The following NEBL variants were observed in gnomAD, a reference collection of about 807,000 sequenced individuals.
NEBL encodes the protein nebulette.
A neutral mutation model predicts 140.2 loss-of-function variants in NEBL; 122 were observed. That is an observed-to-expected ratio of 0.87 (90% CI 0.75 to 1.01). The LOEUF (loss-of-function observed/expected upper bound fraction) is 1.01, where lower values mean the gene tolerates loss of function less well. Ranked by LOEUF, NEBL falls within the 50% of genes least tolerant of loss-of-function variation. The pLI is 0.00. For synonymous variants in NEBL, 436 were observed against 398.9 expected (o/e 1.09, Z -1.11); for missense variants, 1,365 against 1,231.3 (o/e 1.11, Z -1.62).
intron 2 of NEBL, among the ~76,000 whole-genome samples, chr10:21,125,036 C>T (rs1412852507): frequency 6.6e-6 from 1 of 152,154 alleles, no homozygotes; most frequent in Admixed American, 6.5e-5. Flanking sequence ...GGTGACGGGG[C>T]AAGGCAGCAC....
chr10:21,129,228 T>A (rs1381914623), intron 2 of NEBL, among the ~76,000 whole-genome samples: 2 of 152,122 alleles, frequency 1.3e-5, no homozygotes, highest in African/African-American at 4.8e-5. Context: ...TACATTTTTT[T>A]AAAAGGCGTA....
intron 7 of NEBL, among the ~76,000 whole-genome samples, chr10:20,861,399 G>A (rs547912914): frequency 2.6e-5 from 4 of 152,086 alleles, no homozygotes; most frequent in Admixed American, 1.3e-4. Context: ...GGATGGTCTC[G>A]ATCTCCTGAC....
At chr10:20,943,350 A>G (rs2131575821) in intron 4 of NEBL, among the ~76,000 whole-genome samples, 1 of 152,346 alleles carries the variant, frequency 6.6e-6, no homozygotes, top group South Asian at 2.1e-4. Flanking sequence ...ACAAAAAACC[A>G]AACACCGCAT....
chr10:21,060,771 A>G (rs907990393), intron 2 of NEBL, among the ~76,000 whole-genome samples: 4 of 151,902 alleles, frequency 2.6e-5, no homozygotes, highest in Non-Finnish European at 5.9e-5. Flanking sequence ...AGCTGAAACG[A>G]CTCACTCCAA....
chr10:21,114,305 T>A (rs1401904033), intron 2 of NEBL, among the ~76,000 whole-genome samples: 1 of 152,106 alleles, frequency 6.6e-6, no homozygotes, highest in Non-Finnish European at 1.5e-5. Context: ...ATGACTTAAA[T>A]CTTTTTAAAT....
chr10:21,169,067 A>AAATATAT (rs1554830679), intron 2 of NEBL, among the ~76,000 whole-genome samples: 27 of 23,080 alleles, frequency 1.2e-3, no homozygotes, highest in South Asian at 1.7e-3. Flanking sequence ...AAAAAAAAAA[A>AAATATAT]ATATATATAT....
chr10:20,859,476 C>T (rs45586736), intron 8 of NEBL, among the ~76,000 whole-genome samples: 1 of 151,830 alleles, frequency 6.6e-6, no homozygotes, highest in African/African-American at 2.4e-5. Flanking sequence ...CACTCTTGAA[C>T]AGATATAATA....
intron 2 of NEBL, among the ~76,000 whole-genome samples, chr10:21,033,589 A>T (rs1453190348): frequency 6.6e-6 from 1 of 152,126 alleles, no homozygotes; most frequent in Non-Finnish European, 1.5e-5. Context: ...AACATACAAA[A>T]ATTAGCCAGG....
chr10:20,942,243 A>G (rs1326493336), intron 4 of NEBL, among the ~76,000 whole-genome samples: 2 of 152,230 alleles, frequency 1.3e-5, no homozygotes, highest in East Asian at 1.9e-4. Context: ...AAACAGTGAT[A>G]TAGACAAATG....
intron 3 of NEBL, among the ~76,000 whole-genome samples, chr10:20,986,147 T>C (rs1017823265): frequency 5.9e-5 from 9 of 152,210 alleles, no homozygotes; most frequent in African/African-American, 1.7e-4. Flanking sequence ...TGCCAAGTTC[T>C]AATACATATG....
intron 5 of NEBL, among the ~76,000 whole-genome samples, chr10:20,877,671 C>A (rs904901708): frequency 6.6e-6 from 1 of 152,152 alleles, no homozygotes; most frequent in African/African-American, 2.4e-5. Flanking sequence ...CAGTAGGGAG[C>A]AGACAACATG....
intron 4 of NEBL, among the ~76,000 whole-genome samples, chr10:20,943,340 A>T (rs1347139056): frequency 1.3e-5 from 2 of 152,240 alleles, no homozygotes; most frequent in African/African-American, 4.8e-5. Flanking sequence ...TATCACAAGG[A>T]CAAAAAACCA....
intron 4 of NEBL, among the ~76,000 whole-genome samples, chr10:20,931,623 A>G (rs1015549275): frequency 6.6e-6 from 1 of 152,164 alleles, no homozygotes; most frequent in South Asian, 2.1e-4. Context: ...AGGGCGGTCA[A>G]TCCCAGACGC....
Position 20,820,783 on chromosome 10 carries a change from C to G in NEBL, c.1963-1267G>C, listed in dbSNP as rs139300057. ...GAGGTTGCAGTGAACTGAGATCACG[C>G]CACTGCACTCCAGCCTGGGTGACAG... is the stretch of plus-strand genomic sequence containing the variant. On this transcript the variant is annotated intron_variant, in intron 19 of 27. Coordinates refer to ENST00000377122, the MANE Select transcript of NEBL (RefSeq NM_006393.3). Among the ~76,000 whole-genome samples, 1,231 of 152,050 alleles carry G rather than the reference C, an allele frequency of 8.1e-3. 27 individuals carry two copies. The East Asian group carries it at 0.091, about 11-fold the overall frequency.
intron 20 of NEBL, among the ~76,000 whole-genome samples, chr10:20,818,161 T>A (rs2130819655): frequency 6.6e-6 from 1 of 152,282 alleles, no homozygotes; most frequent in East Asian, 1.9e-4. Flanking sequence ...GTGTTGAGCC[T>A]CATTATCTCC....
chr10:20,933,630 A>G (rs1328619247), intron 4 of NEBL, among the ~76,000 whole-genome samples: 1 of 152,208 alleles, frequency 6.6e-6, no homozygotes, highest in Non-Finnish European at 1.5e-5. Context: ...GCTACCTGGG[A>G]GGCTGAGGCA....
intron 2 of NEBL, chr10:21,146,513 C>G: frequency 1.9e-6 from 3 of 1,605,648 alleles, no homozygotes; most frequent in Non-Finnish European, 2.6e-6. Flanking sequence ...AGCCATCCTA[C>G]TCCTGCATTA....
At chr10:21,161,169 A>C (rs1420464100) in intron 2 of NEBL, among the ~76,000 whole-genome samples, 1 of 152,054 alleles carries the variant, frequency 6.6e-6, no homozygotes, top group Non-Finnish European at 1.5e-5. Context: ...AGATATGTCT[A>C]TTGCTTCTTT....
intron 2 of NEBL, among the ~76,000 whole-genome samples, chr10:21,249,694 T>C (rs932701117): frequency 2.0e-5 from 3 of 151,676 alleles, no homozygotes; most frequent in African/African-American, 7.2e-5. Context: ...AAATATTACA[T>C]GTATCTTTAA....
Sources: gnomAD v4.1 joint callset for allele counts (sites outside exome capture counted in the v4.1 genomes callset) on GRCh38, gnomAD v4.1.1 for gene constraint, MANE v1.5 for transcripts, NCBI Gene and HGNC (gene_info 2026-07-23, HGNC 2026-07-21) for gene names.